KCNH5: variants seen among roughly 807,000 people sequenced by gnomAD.
The protein encoded by KCNH5 is potassium voltage-gated channel subfamily H member 5, also known as voltage-gated delayed rectifier potassium channel KCNH5.
Under a neutral mutation model 96.1 loss-of-function variants are expected in KCNH5, and 46 were observed. The observed-to-expected ratio is 0.48, with a 90% CI of 0.38 to 0.61. The LOEUF is 0.61. Among genes scored for constraint, KCNH5 ranks in the 20% least tolerant of loss-of-function variants. The pLI, the probability that KCNH5 is intolerant of heterozygous loss-of-function variation, is 0.00. For missense variants in KCNH5, 907 were observed against 1,225.8 expected, an observed-to-expected ratio of 0.74 and a Z score of 3.88; for synonymous variants, 439 against 449.8, an observed-to-expected ratio of 0.98 and a Z score of 0.30.
intron 5 of KCNH5, among the ~76,000 whole-genome samples, chr14:62,984,557 T>C (rs1362900121): frequency 6.6e-6 from 1 of 152,198 alleles, no homozygotes; most frequent in Non-Finnish European, 1.5e-5. Flanking sequence ...GTTATACTTA[T>C]TTGGTATTTC....
chr14:62,857,254 G>A (rs1042948173), intron 7 of KCNH5, among the ~76,000 whole-genome samples: 34 of 152,246 alleles, frequency 2.2e-4, no homozygotes, highest in Admixed American at 6.5e-4. Context: ...ATGGAGAGAG[G>A]AAGAGGAATG....
At chr14:62,798,956 T>C (rs1886593787) in intron 9 of KCNH5, among the ~76,000 whole-genome samples, 1 of 152,178 alleles carries the variant, frequency 6.6e-6, no homozygotes, top group South Asian at 2.1e-4. Context: ...CCTTCTTGTT[T>C]CTCCTATCAG....
intron 6 of KCNH5, among the ~76,000 whole-genome samples, chr14:62,961,916 G>C (rs966400643): frequency 6.6e-6 from 1 of 151,648 alleles, no homozygotes; most frequent in African/African-American, 2.4e-5. Flanking sequence ...GATGGAGATG[G>C]AGATGGAGAT....
Position 62,703,400 on chromosome 14 carries a change from T to A in KCNH5, c.*4108A>T, listed in dbSNP as rs1884377594. The A allele has an allele frequency of 6.6e-6, 1 of 151,914 alleles. No homozygotes were observed. The highest frequency in any genetic ancestry group is 1.5e-5 in the Non-Finnish European group (1 of 67,792). 9.4% of individuals were successfully genotyped at this position (151,914 alleles called of 1,614,324 possible). A position where few individuals can be genotyped will look rare whatever the true frequency, so the allele number is the denominator to read the frequency against. ...CTTCTATGAAAGAATGAAAAAGTGA[T>A]CACTTGTCATAATGTGATTTTCACC... On this transcript the variant is annotated 3_prime_UTR_variant, in exon 11 of 11. Coordinates refer to ENST00000322893, the MANE Select transcript of KCNH5 (RefSeq NM_139318.5).
chr14:62,744,727 T>G (rs1885340420), intron 10 of KCNH5, among the ~76,000 whole-genome samples: 1 of 152,178 alleles, frequency 6.6e-6, no homozygotes, highest in South Asian at 2.1e-4. Context: ...ACACCACATT[T>G]CACACTACGG....
At chr14:62,799,726 T>TATACACACACAC (rs1213484157) in intron 9 of KCNH5, among the ~76,000 whole-genome samples, 2 of 68,664 alleles carry the variant, frequency 2.9e-5, no homozygotes, top group African/African-American at 5.0e-5. Context: ...TATATATATA[T>TATACACACACAC]ACACACACAC....
At chr14:63,020,601 T>C (rs1210339481) in intron 1 of KCNH5, among the ~76,000 whole-genome samples, 1 of 152,106 alleles carries the variant, frequency 6.6e-6, no homozygotes, top group East Asian at 1.9e-4. Context: ...ACTAATATTA[T>C]ATGATGATAG....
chr14:62,725,646 C>A (rs937361916), intron 10 of KCNH5, among the ~76,000 whole-genome samples: 2 of 152,148 alleles, frequency 1.3e-5, no homozygotes, highest in Non-Finnish European at 2.9e-5. Flanking sequence ...ACATACTATG[C>A]ACAGGGAACA....
intron 1 of KCNH5, among the ~76,000 whole-genome samples, chr14:63,021,054 T>C (rs954048225): frequency 3.3e-5 from 5 of 152,094 alleles, no homozygotes; most frequent in Admixed American, 6.6e-5. Flanking sequence ...CCATCAAAAA[T>C]TGTTTTCTTT....
At chr14:62,761,378 A>G (rs1011605099) in intron 10 of KCNH5, among the ~76,000 whole-genome samples, 2 of 150,870 alleles carry the variant, frequency 1.3e-5, no homozygotes, top group African/African-American at 4.9e-5. Context: ...AAAAAGGATT[A>G]TGGTCCATTG....
At chr14:63,036,501 A>T (rs1391588402) in intron 1 of KCNH5, among the ~76,000 whole-genome samples, 1 of 137,918 alleles carries the variant, frequency 7.3e-6, no homozygotes, top group Non-Finnish European at 1.5e-5. Context: ...AACGGGAGAT[A>T]CAAAAAAAAA....
At chr14:62,898,897 C>T (rs1273674115) in intron 7 of KCNH5, among the ~76,000 whole-genome samples, 22 of 151,956 alleles carry the variant, frequency 1.4e-4, no homozygotes, top group Admixed American at 1.4e-3. Flanking sequence ...ATTAGAAATC[C>T]ATCAAAATTT....
At chr14:62,736,221 G>C (rs555464244) in intron 10 of KCNH5, among the ~76,000 whole-genome samples, 49 of 152,132 alleles carry the variant, frequency 3.2e-4, no homozygotes, top group African/African-American at 1.1e-3. Flanking sequence ...ATCTATTCTT[G>C]ACATGTAAGA....
chr14:62,917,396 C>A (rs1366447755), intron 7 of KCNH5, among the ~76,000 whole-genome samples: 1 of 149,460 alleles, frequency 6.7e-6, no homozygotes, highest in African/African-American at 2.5e-5. Context: ...CAGAGCTTTG[C>A]CCAAGATATC....
chr14:62,779,643 A>G, intron 10 of KCNH5, 85 bp downstream of exon 10: 2 of 1,130,332 alleles, frequency 1.8e-6, no homozygotes, highest in South Asian at 2.3e-5. Context: ...GCAAAACAAA[A>G]TATCTTCTCT....
intron 10 of KCNH5, among the ~76,000 whole-genome samples, chr14:62,777,205 T>C (rs929693746): frequency 9.2e-5 from 14 of 152,192 alleles, no homozygotes; most frequent in Non-Finnish European, 1.6e-4. Flanking sequence ...CTGTGGAATA[T>C]TATGGAAAAG....
chr14:62,988,586 T>C (rs1890752740), intron 4 of KCNH5, among the ~76,000 whole-genome samples: 1 of 152,070 alleles, frequency 6.6e-6, no homozygotes, highest in Admixed American at 6.6e-5. Flanking sequence ...GGAGAGTCTT[T>C]ATTTCTTCTA....
In KCNH5 at chr14:63,021,731, G is replaced by A. The variant is rs79048243; in HGVS notation, c.74-4777C>T. On this transcript the variant is annotated intron_variant, in intron 1 of 10. Transcript: ENST00000322893. ...AAGTCACCAATAACCTCTCCCTATC[G>A]CCAAGCCCACAGGATGCTTTTCACT... 2.7e-4 allele frequency among the ~76,000 whole-genome samples: 41 copies of A among 150,202 alleles called. No individual in the cohort carries two copies. The East Asian group carries it at 7.5e-3, about 27-fold the overall frequency.
At chr14:62,979,363 C>A (rs1455519749) in intron 6 of KCNH5, among the ~76,000 whole-genome samples, 2 of 151,510 alleles carry the variant, frequency 1.3e-5, no homozygotes, top group Non-Finnish European at 2.9e-5. Flanking sequence ...TGATTTTTTT[C>A]TCATAATTTA....
Sources: allele counts gnomAD v4.1 joint callset (sites outside exome capture counted in the v4.1 genomes callset), GRCh38; gene constraint gnomAD v4.1.1; transcripts MANE v1.5; gene names NCBI Gene and HGNC (gene_info 2026-07-23, HGNC 2026-07-21).